ZNF215: variants seen among roughly 807,000 people sequenced by gnomAD.
The protein encoded by ZNF215 is BWSCR2-associated zinc finger protein 2.
Under a neutral mutation model 27.2 loss-of-function variants are expected in ZNF215, and 24 were observed. That is an observed-to-expected ratio of 0.88 (90% CI 0.64 to 1.24). The LOEUF (loss-of-function observed/expected upper bound fraction) is 1.24, where lower values mean the gene tolerates loss of function less well. ZNF215 is among the 50% of genes most tolerant of loss of function. The pLI, the probability that ZNF215 is intolerant of heterozygous loss-of-function variation, is 0.00. For synonymous variants in ZNF215, 210 were observed against 204.0 expected, an observed-to-expected ratio of 1.03 and a Z score of -0.25; for missense variants, 675 against 605.7, an observed-to-expected ratio of 1.11 and a Z score of -1.20.
At chr11:6,991,862 C>T (rs549888944), downstream of ZNF215, among the ~76,000 whole-genome samples, 2 of 152,316 alleles carry the variant, frequency 1.3e-5, no homozygotes, top group East Asian at 3.9e-4. Flanking sequence ...ATTATTACTA[C>T]AACTAGTTAC....
rs1187505623 is a variant in ZNF215, at chr11:6,956,180, C to A, written c.1203C>A (p.His401Gln). ...CCCTTATTCGACATCAGATCATTCA[C>A]ACAGGAGAGAAACCCTATAAATGCA... ...SSSLIRHQIIHTGEKPYKCSE... is the reference protein window; with the variant it reads ...SSSLIRHQIIQTGEKPYKCSE... Residue 401 changes from histidine (H) to glutamine (Q), a missense_variant, in exon 7 of 7, where the codon CAC (histidine) becomes CAA (glutamine). By Grantham distance (24) the His-to-Gln change is conservative (BLOSUM62 0). Coordinates refer to ENST00000278319, the MANE Select transcript of ZNF215 (RefSeq NM_013250.4). 1 of 1,613,418 alleles carries A rather than the reference C, an allele frequency of 6.2e-7. No individual in the cohort carries two copies. Among genetic ancestry groups the A allele is most frequent in the African/African-American group, 1.3e-5 (1 of 74,924 alleles).
intron 2 of ZNF215, among the ~76,000 whole-genome samples, chr11:6,928,937 A>G (rs1590041507): frequency 1.3e-5 from 2 of 152,040 alleles, no homozygotes; most frequent in Admixed American, 6.5e-5. Flanking sequence ...TGTTGTATTG[A>G]CGGTGGGCCT....
intron 5 of ZNF215, among the ~76,000 whole-genome samples, chr11:6,982,091 G>A (rs1256991461): frequency 2.6e-5 from 4 of 151,954 alleles, no homozygotes; most frequent in Middle Eastern, 6.8e-3. Context: ...TGGCGATGTG[G>A]GCTCTTTTTT....
chr11:6,992,347 G>T (rs1851125139), downstream of ZNF215, among the ~76,000 whole-genome samples: 1 of 152,178 alleles, frequency 6.6e-6, no homozygotes, highest in Admixed American at 6.5e-5. Flanking sequence ...TAGCAAAGTG[G>T]CATAATTAAT....
At chr11:6,938,023 G>T (rs544692595) in intron 3 of ZNF215, among the ~76,000 whole-genome samples, 1 of 151,846 alleles carries the variant, frequency 6.6e-6, no homozygotes, top group Non-Finnish European at 1.5e-5. Context: ...TAACACTTTT[G>T]TGCATCAAAA....
chr11:6,958,023 T>G lies in ZNF215; in HGVS notation c.*1492T>G. 24 of 985,456 alleles carry G rather than the reference T, an allele frequency of 2.4e-5. No homozygotes were observed. Among genetic ancestry groups the G allele is most frequent in the South Asian group, 4.7e-5 (1 of 21,286 alleles). 61.0% of individuals were successfully genotyped at this position (985,456 alleles called of 1,614,324 possible). ...GAAAAGGTATACTGGAGTGAACTCC[T>G]ATGATTAAATAATGTCAAAATCTAT... On this transcript the variant is annotated 3_prime_UTR_variant, in exon 7 of 7. Transcript: ENST00000278319.
intron 6 of ZNF215, among the ~76,000 whole-genome samples, chr11:6,945,770 T>A (rs970744576): frequency 6.6e-6 from 1 of 152,234 alleles, no homozygotes; most frequent in Non-Finnish European, 1.5e-5. Flanking sequence ...TATTTAATCT[T>A]GTTTTGTCTT....
At chr11:6,937,468 C>T (rs1021646161) in intron 3 of ZNF215, among the ~76,000 whole-genome samples, 3 of 144,434 alleles carry the variant, frequency 2.1e-5, no homozygotes, top group Non-Finnish European at 4.5e-5. Context: ...AATGCAATCC[C>T]TATCAAAATC....
chr11:6,957,249 G>A lies in ZNF215; in HGVS notation c.*718G>A, dbSNP rs1329585792. The stretch of plus-strand genomic sequence containing the variant: ...TTATGATGTTGATGAGAAAAATATC[G>A]ATTCCCAGCCAGGGACACTGTGTGG... On this transcript the variant is annotated 3_prime_UTR_variant, in exon 7 of 7. Coordinates refer to ENST00000278319, the MANE Select transcript of ZNF215 (RefSeq NM_013250.4). 4 of 948,632 alleles carry A rather than the reference G, an allele frequency of 4.2e-6. No individual in the cohort carries two copies. Among genetic ancestry groups the A allele is most frequent in the Non-Finnish European group, 3.8e-6 (3 of 796,718 alleles). The allele number at this position is 948,632 out of a possible 1,614,324, so 58.8% of individuals were successfully genotyped here. A position where few individuals can be genotyped will look rare whatever the true frequency, so the allele number is the denominator to read the frequency against.
At chr11:6,974,454 G>T (rs540142706) in intron 5 of ZNF215, among the ~76,000 whole-genome samples, 3 of 152,250 alleles carry the variant, frequency 2.0e-5, no homozygotes, top group East Asian at 3.9e-4. Context: ...AGCTTGATAG[G>T]GATGGCATTG....
Position 6,955,932 on chromosome 11 carries a change from T to C in ZNF215, c.955T>C (p.Cys319Arg), listed in dbSNP as rs768989009. 1 of 1,612,370 alleles carries C rather than the reference T, an allele frequency of 6.2e-7. No homozygotes were observed. The highest frequency in any genetic ancestry group is 1.1e-5 in the South Asian group (1 of 90,480). The stretch of plus-strand genomic sequence containing the variant: ...TGATATTAATTCAGTTAGCTCAATT[T>C]GTGCTATACAAGTGGGAATTCCTTC... ...SFDINSVSSI[C>R]AIQVGIPSRK... The change falls in exon 7 of 7, where the codon TGT (cysteine) becomes CGT (arginine). Residue 319 changes from cysteine to arginine, a missense_variant. Cys to Arg is a radical substitution (Grantham distance 180, BLOSUM62 -3). Coordinates refer to ENST00000278319, the MANE Select transcript of ZNF215 (RefSeq NM_013250.4).
chr11:6,954,158 G>C (rs1850214360), intron 6 of ZNF215, among the ~76,000 whole-genome samples: 1 of 151,932 alleles, frequency 6.6e-6, no homozygotes, highest in Non-Finnish European at 1.5e-5. Context: ...GGGAGTGCCT[G>C]CCAGTTAGGC....
chr11:6,975,037 A>G (rs539648658), intron 5 of ZNF215, among the ~76,000 whole-genome samples: 6 of 152,198 alleles, frequency 3.9e-5, no homozygotes, highest in East Asian at 1.9e-4. Flanking sequence ...GTTTGTCATA[A>G]ATAGCTCTTA....
rs531060906 is a variant in ZNF215 at position 6,974,977 on chromosome 11, C to T, written c.806-9152C>T. Among the ~76,000 whole-genome samples, 4 of 152,230 alleles carry T rather than the reference C, an allele frequency of 2.6e-5. No individual in the cohort carries two copies. The South Asian group carries it at 8.3e-4, about 32-fold the overall frequency. ...GGCATCCCTGTCTTGTGCCAGTTTT[C>T]AAAGGGAATGCTTTAAGTTTTTGTC... On this transcript the variant is annotated intron_variant, in intron 5 of 5. Transcript: ENST00000529903.
intron 6 of ZNF215, among the ~76,000 whole-genome samples, chr11:6,947,338 G>T (rs889893495): frequency 1.3e-5 from 2 of 152,138 alleles, no homozygotes; most frequent in Admixed American, 6.5e-5. Context: ...AAGGCAGGAG[G>T]ACTTCTTGAA....
chr11:6,975,151 CAT>C (rs1678437819), intron 5 of ZNF215, among the ~76,000 whole-genome samples: 1 of 152,090 alleles, frequency 6.6e-6, no homozygotes, highest in African/African-American at 2.4e-5. Flanking sequence ...TTGAGATAAT[CAT>C]GTGGTTTTTT....
intron 6 of ZNF215, among the ~76,000 whole-genome samples, chr11:6,954,706 C>T (rs1850253445): frequency 6.6e-6 from 1 of 152,220 alleles, no homozygotes; most frequent in Admixed American, 6.5e-5. Flanking sequence ...CAATGCCTCG[C>T]CCTGCTTCGG....
At chr11:6,960,317 C>A (rs1401966607), downstream of ZNF215, among the ~76,000 whole-genome samples, 4 of 152,004 alleles carry the variant, frequency 2.6e-5, no homozygotes, top group East Asian at 7.7e-4. Context: ...AGTTAGGATT[C>A]AAAAAATCAC....
chr11:6,957,662 TA>T lies in ZNF215; in HGVS notation c.*1135del. On this transcript the variant is annotated 3_prime_UTR_variant, in exon 7 of 7. Transcript: ENST00000278319. ...CTTGTTTGTATCCATTAGTCTATGG[TA>T]AAATTGGTTTTGTTATACATCATTT... The T allele has an allele frequency of 1.3e-6, 1 of 770,018 alleles. No individual in the cohort carries two copies. Among genetic ancestry groups the T allele is most frequent in the Non-Finnish European group, 1.6e-6 (1 of 633,736 alleles). 47.7% of individuals were successfully genotyped at this position (770,018 alleles called of 1,614,324 possible).
Sources: gnomAD v4.1 joint callset for allele counts (sites outside exome capture counted in the v4.1 genomes callset) on GRCh38, gnomAD v4.1.1 for gene constraint, MANE v1.5 for transcripts, NCBI Gene and HGNC (gene_info 2026-07-23, HGNC 2026-07-21) for gene names.